ROBO2: variants seen among roughly 807,000 people sequenced by gnomAD.
ROBO2 encodes roundabout homolog 2.
In ROBO2, 53 loss-of-function variants were observed where a neutral mutation model predicts 160.8. That is an observed-to-expected ratio of 0.33 (90% CI 0.26 to 0.41). The LOEUF (loss-of-function observed/expected upper bound fraction) is 0.41. ROBO2 is among the 10% of genes least tolerant of loss of function. The pLI is 1.00. For missense variants in ROBO2, 1,577 were observed against 1,722.4 expected (o/e 0.92, Z 1.49); for synonymous variants, 664 against 611.7 (o/e 1.09, Z -1.26).
chr3:76,633,328 A>G (rs978315835), intron 2 of ROBO2, among the ~76,000 whole-genome samples: 6 of 152,220 alleles, frequency 3.9e-5, no homozygotes, highest in African/African-American at 1.4e-4. Flanking sequence ...TGAGAGCCAT[A>G]GCTGGTAGCT....
intron 2 of ROBO2, among the ~76,000 whole-genome samples, chr3:77,414,396 C>T (rs1013651212): frequency 6.6e-6 from 1 of 152,146 alleles, no homozygotes; most frequent in African/African-American, 2.4e-5. Context: ...CACTAGTGTC[C>T]TGCAGTACGG....
intron 2 of ROBO2, among the ~76,000 whole-genome samples, chr3:77,343,530 T>G (rs2067296677): frequency 6.6e-6 from 1 of 152,178 alleles, no homozygotes; most frequent in Admixed American, 6.6e-5. Context: ...CATTGATAGG[T>G]TGCCCAACCA....
chr3:76,615,638 G>A (rs1039931897), intron 2 of ROBO2, among the ~76,000 whole-genome samples: 5 of 152,140 alleles, frequency 3.3e-5, no homozygotes, highest in Non-Finnish European at 5.9e-5. Flanking sequence ...TTTGGAATAT[G>A]TGGAATTCAG....
At chr3:76,832,828 G>A (rs988397223) in intron 2 of ROBO2, among the ~76,000 whole-genome samples, 35 of 152,180 alleles carry the variant, frequency 2.3e-4, no homozygotes, top group African/African-American at 7.0e-4. Flanking sequence ...TTATAATTAC[G>A]TTATGGTTAG....
chr3:77,399,219 C>T (rs971923685), intron 2 of ROBO2, among the ~76,000 whole-genome samples: 2 of 152,162 alleles, frequency 1.3e-5, no homozygotes, highest in African/African-American at 4.8e-5. Flanking sequence ...AGCCTATTTA[C>T]ATGCTTTGAG....
chr3:77,429,602 A>C (rs565771042), intron 2 of ROBO2, among the ~76,000 whole-genome samples: 1 of 125,702 alleles, frequency 8.0e-6, no homozygotes, highest in South Asian at 2.9e-4. Context: ...TTGCTCATGT[A>C]AAAAGCAGGG....
intron 2 of ROBO2, among the ~76,000 whole-genome samples, chr3:76,512,439 C>G (rs1011140123): frequency 2.0e-5 from 3 of 151,916 alleles, no homozygotes; most frequent in Non-Finnish European, 4.4e-5. Flanking sequence ...TACAGGTATT[C>G]TGGCGATGCT....
intron 2 of ROBO2, among the ~76,000 whole-genome samples, chr3:76,968,145 T>C (rs1189438438): frequency 1.3e-5 from 2 of 152,236 alleles, no homozygotes; most frequent in South Asian, 2.1e-4. Flanking sequence ...ATATCAATTA[T>C]AAAATGTTTC....
intron 2 of ROBO2, among the ~76,000 whole-genome samples, chr3:75,994,067 C>T (rs2065655751): frequency 6.6e-6 from 1 of 152,080 alleles, no homozygotes; most frequent in Non-Finnish European, 1.5e-5. Context: ...GACAGCCAAG[C>T]ACAAAACCAA....
intron 2 of ROBO2, among the ~76,000 whole-genome samples, chr3:77,103,122 T>C (rs186991374): frequency 3.1e-4 from 47 of 152,220 alleles, no homozygotes; most frequent in African/African-American, 9.9e-4. Context: ...CTCACAGAGA[T>C]TGTAGCTGCC....
At chr3:77,438,406 A>G (rs2079545956) in intron 2 of ROBO2, among the ~76,000 whole-genome samples, 1 of 151,782 alleles carries the variant, frequency 6.6e-6, no homozygotes, top group South Asian at 2.1e-4. Flanking sequence ...AAATCTGTAT[A>G]TATTTTATAT....
chr3:76,050,544 C>G (rs2067619816), intron 2 of ROBO2, among the ~76,000 whole-genome samples: 1 of 152,106 alleles, frequency 6.6e-6, no homozygotes, highest in Non-Finnish European at 1.5e-5. Context: ...TCCTGTCCCT[C>G]TAGAGAACCC....
intron 2 of ROBO2, among the ~76,000 whole-genome samples, chr3:76,791,042 C>T (rs1459897204): frequency 1.3e-5 from 2 of 151,734 alleles, no homozygotes; most frequent in Non-Finnish European, 2.9e-5. Context: ...CTTCTGTTGC[C>T]ATCATCATAG....
rs554522610 is a variant in ROBO2 at position 76,405,341 on chromosome 3, T to C, written c.109+467739T>C. On this transcript the variant is annotated intron_variant, in intron 2 of 26. Transcript: ENST00000487694. The stretch of plus-strand genomic sequence containing the variant: ...TTGGAGATGAAGTCAGAGAGAAAGA[T>C]TGGGGCCAATGAATGTTTACTTGAT... 9.9e-5 allele frequency among the ~76,000 whole-genome samples: 15 copies of C among 151,450 alleles called. No homozygotes were observed. The South Asian group carries it at 2.9e-3, about 29-fold the overall frequency.
At chr3:76,681,986 G>A (rs1050946457) in intron 2 of ROBO2, among the ~76,000 whole-genome samples, 8 of 152,056 alleles carry the variant, frequency 5.3e-5, no homozygotes, top group Non-Finnish European at 7.4e-5. Context: ...ATACATTTAC[G>A]GGAGGTCATA....
At chr3:76,526,961 A>G (rs2081979656) in intron 2 of ROBO2, among the ~76,000 whole-genome samples, 1 of 152,096 alleles carries the variant, frequency 6.6e-6, no homozygotes, top group Admixed American at 6.6e-5. Context: ...TAAAATTTAG[A>G]AGCCACAATG....
intron 2 of ROBO2, among the ~76,000 whole-genome samples, chr3:76,192,562 A>G (rs1377068713): frequency 1.4e-5 from 2 of 145,646 alleles, no homozygotes; most frequent in Non-Finnish European, 3.0e-5. Flanking sequence ...ACACACACAC[A>G]CACACACACG....
intron 2 of ROBO2, among the ~76,000 whole-genome samples, chr3:76,824,774 A>G (rs1012256087): frequency 2.0e-5 from 3 of 152,162 alleles, no homozygotes; most frequent in African/African-American, 7.2e-5. Context: ...GAGACAGAGT[A>G]CCCAAGGAAG....
intron 5 of ROBO2, among the ~76,000 whole-genome samples, chr3:77,501,426 A>G (rs556609033): frequency 5.9e-5 from 9 of 152,322 alleles, no homozygotes; most frequent in African/African-American, 2.2e-4. Context: ...CTAAAAATAT[A>G]TTTCTAACTG....
Sources: gnomAD v4.1 joint callset for allele counts (sites outside exome capture counted in the v4.1 genomes callset) on GRCh38, gnomAD v4.1.1 for gene constraint, MANE v1.5 for transcripts, NCBI Gene and HGNC (gene_info 2026-07-23, HGNC 2026-07-21) for gene names.